The following VPS53 variants were observed in gnomAD, a reference collection of about 807,000 sequenced individuals.
VPS53 encodes the protein VPS53 subunit of GARP complex.
VPS53 carries 70 observed loss-of-function variants against 107.0 expected under a neutral mutation model. That is an observed-to-expected ratio of 0.65 (90% CI 0.54 to 0.80). The LOEUF is 0.80. Ranked by LOEUF, VPS53 falls within the 30% of genes least tolerant of loss-of-function variation. VPS53 has a pLI of 0.00. For missense variants in VPS53, 917 were observed against 1,049.4 expected (o/e 0.87, Z 1.74); for synonymous variants, 409 against 393.3 (o/e 1.04, Z -0.47).
At chr17:680,232 T>C (rs939767148) in intron 4 of VPS53, among the ~76,000 whole-genome samples, 1 of 152,162 alleles carries the variant, frequency 6.6e-6, no homozygotes, top group Non-Finnish European at 1.5e-5. Context: ...AGGCAGAGGT[T>C]GCAGTGAGTC....
chr17:652,178 A>G (rs1288846431), intron 7 of VPS53, among the ~76,000 whole-genome samples: 2 of 152,050 alleles, frequency 1.3e-5, no homozygotes, highest in African/African-American at 4.8e-5. Context: ...TATTTTTAGT[A>G]GAGACGGGGT....
intron 11 of VPS53, among the ~76,000 whole-genome samples, chr17:615,202 C>T (rs1969080753): frequency 6.6e-6 from 1 of 152,206 alleles, no homozygotes; most frequent in Non-Finnish European, 1.5e-5. Flanking sequence ...GGGAAAAGCA[C>T]AGGCAGCTCA....
chr17:686,461 T>C (rs567666528), intron 4 of VPS53, among the ~76,000 whole-genome samples: 1 of 152,338 alleles, frequency 6.6e-6, no homozygotes, highest in African/African-American at 2.4e-5. Context: ...TAGGGTGATA[T>C]TGCATGTCAC....
At position 665,935 on chromosome 17, in the gene VPS53, C is replaced by T. The variant is rs112972701; in HGVS notation, c.286-4040G>A. ...AGGAGAATCACTTAAACCCAGGAGG[C>T]GGAGGTTGCAGTGAGCTGAGATAGC... On this transcript the variant is annotated intron_variant, in intron 4 of 21. Coordinates refer to ENST00000437048, the MANE Select transcript of VPS53 (RefSeq NM_001128159.3). 7.1e-3 allele frequency among the ~76,000 whole-genome samples: 1,082 copies of T among 152,138 alleles called. 11 individuals carry two copies. Among genetic ancestry groups the T allele is most frequent in the African/African-American group, 0.025 (1,030 of 41,500 alleles).
chr17:620,529 T>A (rs1969424926), intron 11 of VPS53, among the ~76,000 whole-genome samples: 1 of 152,190 alleles, frequency 6.6e-6, no homozygotes, highest in South Asian at 2.1e-4. Context: ...CTCCGTGGCC[T>A]GGAGTAAGTT....
Position 516,404 on chromosome 17 carries a change from G to T in VPS53, c.*2724C>A, listed in dbSNP as rs1283456618. ...TTGTTTTGAGATAGAGTCTCACTCT[G>T]TCGCCAGGCTGGAGTGCAGTGGCGT... On this transcript the variant is annotated 3_prime_UTR_variant, in exon 22 of 22. Coordinates refer to ENST00000437048, the MANE Select transcript of VPS53 (RefSeq NM_001128159.3). 1 of 151,940 alleles carries T rather than the reference G, an allele frequency of 6.6e-6. No homozygotes were observed. The highest frequency in any genetic ancestry group is 1.5e-5 in the Non-Finnish European group (1 of 68,006). 9.4% of individuals were successfully genotyped at this position (151,940 alleles called of 1,614,324 possible).
At chr17:530,143 CTTTTTTTT>C (rs35030075) in intron 19 of VPS53, among the ~76,000 whole-genome samples, 77 of 127,284 alleles carry the variant, frequency 6.0e-4, no homozygotes, top group African/African-American at 2.0e-3. Context: ...AATTTATATT[CTTTTTTTT>C]TTTTTTTTTT....
intron 12 of VPS53, chr17:600,105 AG>A (rs958732602): frequency 6.6e-6 from 1 of 152,278 alleles, no homozygotes; most frequent in African/African-American, 2.4e-5. Flanking sequence ...CTTTCATAGG[AG>A]GAAAAAGTTC....
intron 4 of VPS53, among the ~76,000 whole-genome samples, chr17:669,275 G>C (rs1385626802): frequency 6.6e-6 from 1 of 152,108 alleles, no homozygotes; most frequent in Admixed American, 6.6e-5. Flanking sequence ...CTCTGGCACT[G>C]TCCCTAGACA....
At chr17:576,215 G>A (rs560771912) in intron 13 of VPS53, among the ~76,000 whole-genome samples, 1 of 151,164 alleles carries the variant, frequency 6.6e-6, no homozygotes, top group Admixed American at 6.6e-5. Flanking sequence ...GGTTCCCAGA[G>A]AACCTCTCTC....
intron 4 of VPS53, among the ~76,000 whole-genome samples, chr17:683,459 T>C (rs1170015076): frequency 2.6e-5 from 4 of 152,136 alleles, no homozygotes; most frequent in Non-Finnish European, 5.9e-5. Flanking sequence ...TTAAAACTTT[T>C]CAAGCAAAGA....
At chr17:710,044 C>A (rs1483853591) in intron 2 of VPS53, among the ~76,000 whole-genome samples, 1 of 152,032 alleles carries the variant, frequency 6.6e-6, no homozygotes, top group East Asian at 1.9e-4. Flanking sequence ...ACTCAGGAGG[C>A]TGAGGCAGAA....
In VPS53 at chr17:562,691, T is replaced by A; in HGVS notation, c.1368A>T (p.Pro456=). Residue 456 remains proline, a synonymous_variant, in exon 14 of 22, where the codon CCA becomes CCT. Transcript: ENST00000437048. ...CCCCTTCATCAGTGTTGGGCTTAGG[T>A]GGCCCCTGGGCTTTGAAATCAGCCA... The part of the protein sequence containing the change: ...RFVADFKAQG[P]PKPNTDEGGA... 1 of 1,613,490 alleles carries A rather than the reference T, an allele frequency of 6.2e-7. No homozygotes were observed. The highest frequency in any genetic ancestry group is 8.5e-7 in the Non-Finnish European group (1 of 1,179,890).
intron 11 of VPS53, among the ~76,000 whole-genome samples, chr17:622,838 T>C (rs374029441): frequency 7.3e-5 from 11 of 151,640 alleles, no homozygotes; most frequent in African/African-American, 2.4e-4. Context: ...TGATTGGGAC[T>C]AAGGGGTGCA....
At chr17:678,792 T>C (rs183432996) in intron 4 of VPS53, among the ~76,000 whole-genome samples, 5,512 of 151,988 alleles carry the variant, frequency 0.036, 136 homozygotes, top group East Asian at 0.069. Context: ...GCGCCCGCCA[T>C]CACGCCTGGC....
intron 19 of VPS53, among the ~76,000 whole-genome samples, chr17:531,773 CTT>C (rs71145747): frequency 5.8e-5 from 5 of 86,674 alleles, no homozygotes; most frequent in East Asian, 3.8e-4. Context: ...GGGATTTATT[CTT>C]TTTTTTTTTT....
chr17:708,103 G>A (rs1030997974), intron 2 of VPS53, among the ~76,000 whole-genome samples: 1 of 152,264 alleles, frequency 6.6e-6, no homozygotes. Flanking sequence ...CTTCGTGTGC[G>A]GAGACGAGAG....
At chr17:683,142 C>T (rs956829891) in intron 4 of VPS53, among the ~76,000 whole-genome samples, 3 of 152,076 alleles carry the variant, frequency 2.0e-5, no homozygotes, top group African/African-American at 7.2e-5. Flanking sequence ...AAAGAAAATC[C>T]AACACCTGCA....
Position 519,956 on chromosome 17 carries a change from GC to G in VPS53, c.2224-27del. The stretch of plus-strand genomic sequence containing the variant: ...CTACAGCGGGAGGAGACAGGAGCAA[GC>G]CCCTCAGGAAAACTACCACCACGGG... On this transcript the variant is annotated intron_variant, in intron 20 of 21. Transcript: ENST00000437048. This position sits in a 1 kb window ranked among gnomAD's most constrained non-coding sequence, Gnocchi z 5.0. 1 of 1,512,330 alleles carries G rather than the reference GC, an allele frequency of 6.6e-7. No individual in the cohort carries two copies. The highest frequency in any genetic ancestry group is 9.0e-7 in the Non-Finnish European group (1 of 1,111,322). The allele number at this position is 1,512,330 out of a possible 1,614,324, so 93.7% of individuals were successfully genotyped here.
Sources: gnomAD v4.1 joint callset for allele counts (sites outside exome capture counted in the v4.1 genomes callset) on GRCh38, gnomAD v4.1.1 for gene constraint, Gnocchi (gnomAD v3.1) non-coding constraint, MANE v1.5 for transcripts, NCBI Gene and HGNC (gene_info 2026-07-23, HGNC 2026-07-21) for gene names.